Variants in MGAT4C observed in about 807,000 individuals in gnomAD.
MGAT4C encodes MGAT4 family member C, also known as alpha-1,3-mannosyl-glycoprotein 4-beta-N-acetylglucosaminyltransferase C.
A neutral mutation model predicts 40.1 loss-of-function variants in MGAT4C; 19 were observed. The ratio of observed to expected loss-of-function variants is 0.47; its 90% CI spans 0.33 to 0.70. The LOEUF is 0.70. MGAT4C is among the 30% of genes least tolerant of loss of function. The pLI is 0.02. For synonymous variants in MGAT4C, 181 were observed against 187.1 expected (o/e 0.97, Z 0.27); for missense variants, 491 against 563.2 (o/e 0.87, Z 1.30).
Position 86,711,199 on chromosome 12 carries a change from A to G in MGAT4C, c.-229+16010T>C, listed in dbSNP as rs76712393. ...AAAATTTGAAATAAAAATATAAATT[A>G]GTTATAAAATAATACTAATAATTTA... On this transcript the variant is annotated intron_variant, in intron 2 of 7. Transcript: ENST00000548651. 8.6e-3 allele frequency among the ~76,000 whole-genome samples: 1,308 copies of G among 152,294 alleles called. 7 individuals carry two copies. Among genetic ancestry groups the G allele is most frequent in the Middle Eastern group, 0.017 (5 of 294 alleles).
chr12:86,069,366 C>A (rs1251928546), intron 1 of MGAT4C, among the ~76,000 whole-genome samples: 1 of 152,058 alleles, frequency 6.6e-6, no homozygotes, highest in East Asian at 1.9e-4. Flanking sequence ...CACTGGTGAT[C>A]CTTCCATAAG....
upstream of MGAT4C, among the ~76,000 whole-genome samples, chr12:86,257,795 A>T (rs1952565672): frequency 6.6e-6 from 1 of 152,182 alleles, no homozygotes; most frequent in Non-Finnish European, 1.5e-5. Context: ...TTAGCATGTG[A>T]CATGGGAGCA....
chr12:86,669,212 G>A (rs11833815), intron 2 of MGAT4C, among the ~76,000 whole-genome samples: 19,700 of 152,034 alleles, frequency 0.13, 1,965 homozygotes, highest in African/African-American at 0.28. Context: ...TAGTGCAACA[G>A]GGCCTTCTCT....
chr12:86,274,544 T>G (rs1953022809), intron 4 of MGAT4C, among the ~76,000 whole-genome samples: 1 of 152,174 alleles, frequency 6.6e-6, no homozygotes, highest in Non-Finnish European at 1.5e-5. Context: ...GAAAGTAAAT[T>G]TGGCTACCGA....
intron 2 of MGAT4C, among the ~76,000 whole-genome samples, chr12:86,468,313 CTACA>C (rs1957710788): frequency 6.6e-6 from 1 of 151,440 alleles, no homozygotes. Flanking sequence ...TTTCACCTTA[CTACA>C]CATCCAGGCT....
chr12:86,615,424 A>G (rs1201496814), intron 2 of MGAT4C, among the ~76,000 whole-genome samples: 3 of 152,072 alleles, frequency 2.0e-5, no homozygotes, highest in Non-Finnish European at 4.4e-5. Flanking sequence ...ACACCTTGAA[A>G]CAGCAAATAT....
intron 4 of MGAT4C, among the ~76,000 whole-genome samples, chr12:86,277,268 T>A (rs1953099905): frequency 6.6e-6 from 1 of 152,058 alleles, no homozygotes; most frequent in East Asian, 1.9e-4. Context: ...TGATTATTAT[T>A]TTTCTTATAT....
chr12:86,446,393 A>G (rs962596852), intron 2 of MGAT4C, among the ~76,000 whole-genome samples: 1 of 151,804 alleles, frequency 6.6e-6, no homozygotes, highest in South Asian at 2.1e-4. Flanking sequence ...CCATTATAGC[A>G]CAGATATTTA....
chr12:86,147,342 C>T (rs752825904), intron 1 of MGAT4C, among the ~76,000 whole-genome samples: 70 of 151,990 alleles, frequency 4.6e-4, no homozygotes, highest in Non-Finnish European at 1.6e-4. Flanking sequence ...CCCGGGTTCA[C>T]GTCATTCTCC....
intron 1 of MGAT4C, among the ~76,000 whole-genome samples, chr12:86,134,918 G>T (rs1049712752): frequency 1.3e-5 from 2 of 152,012 alleles, no homozygotes; most frequent in East Asian, 1.9e-4. Context: ...CTTAGAAAAA[G>T]AAACTTTTCT....
chr12:86,045,846 C>G lies in MGAT4C; in HGVS notation c.-7+3828G>C, dbSNP rs117831422. Among the ~76,000 whole-genome samples the G allele has an allele frequency of 5.9e-3, 901 of 152,290 alleles. 2 individuals are homozygous for G. The highest frequency in any genetic ancestry group is 8.7e-3 in the Non-Finnish European group (591 of 68,030). On this transcript the variant is annotated intron_variant, in intron 2 of 4. Coordinates refer to ENST00000611864, the MANE Select transcript of MGAT4C (RefSeq NM_001351288.2). ...CTGATTTCCACACAAAATTCCATCT[C>G]AAGTAATATTTACCTTTTTTATTGT... is the stretch of plus-strand genomic sequence containing the variant.
At chr12:86,724,692 CATGTT>C (rs1950793314) in intron 2 of MGAT4C, among the ~76,000 whole-genome samples, 2 of 152,156 alleles carry the variant, frequency 1.3e-5, no homozygotes, top group Admixed American at 6.5e-5. Flanking sequence ...GGTGAAATGT[CATGTT>C]ATAATGTCAA....
rs1000380011 is a variant in MGAT4C, at chr12:86,391,596, C to T, written c.-120+43561G>A. ...CATTTAGGCCAGGTGCAGTGGCTCA[C>T]GCCTGTAATCCCACTACTTTGGGAG... On this transcript the variant is annotated intron_variant, in intron 3 of 7. Coordinates refer to the MGAT4C transcript ENST00000548651. Among the ~76,000 whole-genome samples the T allele has an allele frequency of 3.3e-5, 5 of 152,208 alleles. No homozygotes were observed. In the East Asian group the frequency reaches 5.8e-4, roughly 18 times the overall value.
rs191305331 is a variant in MGAT4C at position 86,278,236 on chromosome 12, T to C, written c.-57+55829A>G. Among the ~76,000 whole-genome samples the C allele has an allele frequency of 2.9e-3, 419 of 146,436 alleles. 2 individuals carry two copies. The highest frequency in any genetic ancestry group is 0.01 in the African/African-American group (399 of 39,886). Reference sequence around the variant, plus strand: ...ATCTTGTTGCCCAGGCTGCAGTTCATGACATGGTCTTGGCTCACTGTAACC... The same window carrying C: ...ATCTTGTTGCCCAGGCTGCAGTTCACGACATGGTCTTGGCTCACTGTAACC... On this transcript the variant is annotated intron_variant, in intron 4 of 7. Transcript: ENST00000548651.
chr12:86,148,912 T>G (rs762164158), intron 1 of MGAT4C, among the ~76,000 whole-genome samples: 1 of 152,188 alleles, frequency 6.6e-6, no homozygotes, highest in Non-Finnish European at 1.5e-5. Context: ...TGTTTGATTT[T>G]TATATCTCTC....
At chr12:85,990,663 T>C (rs772148689) in intron 2 of MGAT4C, among the ~76,000 whole-genome samples, 1 of 152,164 alleles carries the variant, frequency 6.6e-6, no homozygotes, top group Non-Finnish European at 1.5e-5. Context: ...AAAGTCTTAA[T>C]ATATAAGACT....
chr12:86,187,126 C>G (rs1888851349), intron 1 of MGAT4C, among the ~76,000 whole-genome samples: 1 of 151,970 alleles, frequency 6.6e-6, no homozygotes. Flanking sequence ...TTTTAAAACA[C>G]AGGATGTGAT....
chr12:86,402,943 C>T (rs1475469610), intron 3 of MGAT4C, among the ~76,000 whole-genome samples: 1 of 152,144 alleles, frequency 6.6e-6, no homozygotes, highest in Non-Finnish European at 1.5e-5. Flanking sequence ...CACATATAAT[C>T]TTATTTTATA....
At chr12:86,676,339 T>C (rs144928404) in intron 2 of MGAT4C, among the ~76,000 whole-genome samples, 1 of 152,310 alleles carries the variant, frequency 6.6e-6, no homozygotes, top group East Asian at 1.9e-4. Context: ...TTTAAATAAT[T>C]AGCTTTGAGC....
Sources: gnomAD v4.1 joint callset for allele counts (sites outside exome capture counted in the v4.1 genomes callset) on GRCh38, gnomAD v4.1.1 for gene constraint, MANE v1.5 for transcripts, NCBI Gene and HGNC (gene_info 2026-07-23, HGNC 2026-07-21) for gene names.